CDK13: variants seen among roughly 807,000 people sequenced by gnomAD.
The protein encoded by CDK13 is cyclin-dependent kinase 13.
CDK13 carries 40 observed loss-of-function variants against 137.6 expected under a neutral mutation model. That is an observed-to-expected ratio of 0.29 (90% CI 0.23 to 0.38). The LOEUF is 0.38. CDK13 is among the 10% of genes least tolerant of loss of function. CDK13 has a pLI of 1.00. For missense variants in CDK13, 1,704 were observed against 1,951.8 expected, an observed-to-expected ratio of 0.87 and a Z score of 2.39; for synonymous variants, 869 against 760.1, an observed-to-expected ratio of 1.14 and a Z score of -2.36.
chr7:40,050,704 A>G (rs1320394902), intron 7 of CDK13, among the ~76,000 whole-genome samples: 2 of 152,176 alleles, frequency 1.3e-5, no homozygotes, highest in Non-Finnish European at 2.9e-5. Flanking sequence ...AGAAGCATAT[A>G]TATGACTAAA....
At chr7:40,059,343 CTTTTTGT>C (rs1786089547) in intron 7 of CDK13, 2 of 153,076 alleles carry the variant, frequency 1.3e-5, no homozygotes, top group East Asian at 3.8e-4. Context: ...CCTGGGATTG[CTTTTTGT>C]TTTTTGTTTT....
At chr7:40,085,816 A>G (rs1786774879) in intron 11 of CDK13, 1 of 152,526 alleles carries the variant, frequency 6.6e-6, no homozygotes, top group South Asian at 2.1e-4. Flanking sequence ...TGTGTCACTC[A>G]TCATTGGTCC....
chr7:40,096,998 G>T lies in CDK13; in HGVS notation c.*2018G>T, dbSNP rs1584102754. 3 of 152,074 alleles carry T rather than the reference G, an allele frequency of 2.0e-5. No individual in the cohort carries two copies. The highest frequency in any genetic ancestry group is 4.4e-5 in the Non-Finnish European group (3 of 67,956). The allele number at this position is 152,074 out of a possible 1,614,324, so 9.4% of individuals were successfully genotyped here. On this transcript the variant is annotated 3_prime_UTR_variant, in exon 14 of 14. Transcript: ENST00000181839. Reference sequence around the variant, plus strand: ...CTTAGAGCTTTAGACTTTCCTATAAGTGACAGTATCTAAGTTATTCTTAAT... The same window carrying T: ...CTTAGAGCTTTAGACTTTCCTATAATTGACAGTATCTAAGTTATTCTTAAT...
chr7:40,071,076 G>A (rs894548114), intron 9 of CDK13: 4 of 152,036 alleles, frequency 2.6e-5, no homozygotes, highest in African/African-American at 7.2e-5. Flanking sequence ...TTAGATTTTG[G>A]TTGTACCAGA....
At chr7:40,075,546 G>T (rs981047170) in intron 9 of CDK13, among the ~76,000 whole-genome samples, 10 of 151,666 alleles carry the variant, frequency 6.6e-5, no homozygotes, top group African/African-American at 2.4e-4. Flanking sequence ...CTATTAATGG[G>T]CCAGATGCTA....
intron 1 of CDK13, among the ~76,000 whole-genome samples, chr7:39,971,871 T>C (rs1209823670): frequency 6.6e-6 from 1 of 151,812 alleles, no homozygotes; most frequent in Non-Finnish European, 1.5e-5. Context: ...CAAGACTCCA[T>C]CTCAAAAAGA....
chr7:40,044,405 G>A (rs550333016), intron 5 of CDK13, among the ~76,000 whole-genome samples: 34 of 150,666 alleles, frequency 2.3e-4, no homozygotes, highest in Non-Finnish European at 3.7e-4. Context: ...TGCAACCTCT[G>A]CCTCCTGGGC....
chr7:40,039,645 T>C (rs1222210388), intron 5 of CDK13, among the ~76,000 whole-genome samples: 1 of 151,900 alleles, frequency 6.6e-6, no homozygotes, highest in Non-Finnish European at 1.5e-5. Flanking sequence ...TTGGCCAGGC[T>C]GGTCTCGAAC....
intron 5 of CDK13, among the ~76,000 whole-genome samples, chr7:40,043,790 T>C (rs1043319574): frequency 3.3e-5 from 5 of 150,688 alleles, no homozygotes; most frequent in African/African-American, 1.2e-4. Flanking sequence ...ATGGTGCCAC[T>C]GTACTCCAGT....
rs777416368 is a variant in CDK13 at position 40,088,214 on chromosome 7, A to G, written c.3118A>G (p.Ile1040Val). ...QMGMTDDVST[I>V]KAPRKDLSLG... ...GGGCATGACTGATGATGTTTCCACA[A>G]TTAAAGCCCCCAGGAAGGACTTGTC... The change falls in exon 12 of 14, where the codon ATT becomes GTT. Residue 1040 changes from isoleucine (I) to valine (V), a missense_variant. Transcript: ENST00000181839. The G allele has an allele frequency of 7.4e-6, 12 of 1,613,996 alleles. No homozygotes were observed. The African/African-American group carries it at 1.6e-4, about 22-fold the overall frequency.
chr7:39,977,100 C>A (rs968028614), intron 1 of CDK13, among the ~76,000 whole-genome samples: 5 of 152,170 alleles, frequency 3.3e-5, no homozygotes, highest in East Asian at 3.9e-4. Context: ...CTTCTTTCTT[C>A]ATAAGGCTTT....
intron 1 of CDK13, chr7:39,986,829 CTG>C (rs1364513578): frequency 6.6e-6 from 1 of 152,144 alleles, no homozygotes; most frequent in Non-Finnish European, 1.5e-5. Flanking sequence ...ATTTTAGTTA[CTG>C]TGTGTGAATG....
intron 5 of CDK13, among the ~76,000 whole-genome samples, chr7:40,020,069 T>G (rs1785080319): frequency 6.6e-6 from 1 of 152,104 alleles, no homozygotes; most frequent in Admixed American, 6.6e-5. Flanking sequence ...AACTTTCAAC[T>G]TTATTTTATT....
intron 5 of CDK13, chr7:40,002,321 A>G (rs1350939306): frequency 5.6e-6 from 1 of 179,506 alleles, no homozygotes; most frequent in African/African-American, 2.4e-5. Flanking sequence ...TTAGTAGTTG[A>G]AAAACCAGTT....
rs540833360 is a variant in CDK13, at chr7:40,035,980, T to C, written c.2354-9856T>C. ...GAGTTTGAGACCAGCCTGGGTGATA[T>C]AGTAAGACCTCGTCTCTATAAAAAA... On this transcript the variant is annotated intron_variant, in intron 5 of 13. Transcript: ENST00000181839. Among the ~76,000 whole-genome samples the C allele has an allele frequency of 1.8e-3, 275 of 152,070 alleles. 1 individual carries two copies. The highest frequency in any genetic ancestry group is 6.1e-3 in the African/African-American group (254 of 41,506).
chr7:40,040,972 T>C (rs1284174292), intron 5 of CDK13, among the ~76,000 whole-genome samples: 1 of 152,192 alleles, frequency 6.6e-6, no homozygotes, highest in Non-Finnish European at 1.5e-5. Flanking sequence ...ATGTGAGCCA[T>C]TGCATTTTAA....
Position 39,996,961 on chromosome 7 carries a change from C to CAAAAAAAAAAAAAAAAAAA in CDK13, c.1872-518_1872-517insAAAAAAAAAAAAAAAAAAA, listed in dbSNP as rs72210233. On this transcript the variant is annotated intron_variant, in intron 2 of 13. Coordinates refer to ENST00000181839, the MANE Select transcript of CDK13 (RefSeq NM_003718.5). ...CTTGGGTGACAGTGAGATTCCATCT[C>CAAAAAAAAAAAAAAAAAAA]AAAAAAAAAAAAAAAGAAAAAAAAA... 1.3e-4 allele frequency among the ~76,000 whole-genome samples: 11 copies of CAAAAAAAAAAAAAAAAAAA among 83,248 alleles called. 2 individuals carry two copies. Among genetic ancestry groups the CAAAAAAAAAAAAAAAAAAA allele is most frequent in the African/African-American group, 8.6e-4 (11 of 12,732 alleles). 54.6% of individuals were successfully genotyped at this position (83,248 alleles called of 152,430 possible).
chr7:40,055,873 C>A (rs781310718), intron 7 of CDK13, among the ~76,000 whole-genome samples: 1 of 152,128 alleles, frequency 6.6e-6, no homozygotes, highest in Non-Finnish European at 1.5e-5. Flanking sequence ...TGAGCCACCA[C>A]GCCCGGATGG....
intron 2 of CDK13, among the ~76,000 whole-genome samples, chr7:39,992,097 A>ACG (rs1441046918): frequency 9.7e-6 from 1 of 103,268 alleles, no homozygotes; most frequent in East Asian, 2.4e-4. Flanking sequence ...ACACACACAC[A>ACG]CACACACGCA....
Sources: gnomAD v4.1 joint callset for allele counts (sites outside exome capture counted in the v4.1 genomes callset) on GRCh38, gnomAD v4.1.1 for gene constraint, MANE v1.5 for transcripts, NCBI Gene and HGNC (gene_info 2026-07-23, HGNC 2026-07-21) for gene names.